Variants in GFRA1 observed in about 807,000 individuals in gnomAD.
GFRA1 encodes the protein GDNF family receptor alpha-1.
GFRA1 carries 16 observed loss-of-function variants against 51.6 expected under a neutral mutation model. The ratio of observed to expected loss-of-function variants is 0.31; its 90% confidence interval spans 0.21 to 0.47. The LOEUF (loss-of-function observed/expected upper bound fraction) is 0.47. GFRA1 is among the 20% of genes least tolerant of loss of function. The pLI is 1.00. For missense variants in GFRA1, 530 were observed against 594.3 expected (o/e 0.89, Z 1.13); for synonymous variants, 270 against 241.3 (o/e 1.12, Z -1.10).
At chr10:116,187,184 C>G (rs1962804930) in intron 5 of GFRA1, among the ~76,000 whole-genome samples, 1 of 152,088 alleles carries the variant, frequency 6.6e-6, no homozygotes, top group African/African-American at 2.4e-5. Flanking sequence ...ATAAAAGCAC[C>G]AAGTAGTCTA....
Position 116,228,070 on chromosome 10 carries a change from G to A in GFRA1, c.419-16425C>T, listed in dbSNP as rs538099563. On this transcript the variant is annotated intron_variant, in intron 4 of 10. Coordinates refer to ENST00000355422, the MANE Select transcript of GFRA1 (RefSeq NM_005264.8). ...TGTTACAAAATGTACCTGACTTCGC[G>A]TTTCAAAAGAACTGGCTGGAACATG... Among the ~76,000 whole-genome samples, 18 of 152,336 alleles carry A rather than the reference G, an allele frequency of 1.2e-4. No individual in the cohort carries two copies. The South Asian group carries it at 3.1e-3, about 26-fold the overall frequency.
chr10:116,070,789 G>C (rs901689409), intron 9 of GFRA1, among the ~76,000 whole-genome samples: 4 of 126,460 alleles, frequency 3.2e-5, no homozygotes, highest in Non-Finnish European at 6.2e-5. Context: ...TTTGGCTTTG[G>C]ATTTTGCCTA....
chr10:116,177,193 G>A (rs1222635784), intron 5 of GFRA1, among the ~76,000 whole-genome samples: 1 of 152,184 alleles, frequency 6.6e-6, no homozygotes, highest in Non-Finnish European at 1.5e-5. Flanking sequence ...CAGACAATGA[G>A]GAGTCATCCA....
intron 5 of GFRA1, among the ~76,000 whole-genome samples, chr10:116,208,054 C>T (rs1964918800): frequency 6.6e-6 from 1 of 151,992 alleles, no homozygotes; most frequent in African/African-American, 2.4e-5. Context: ...CCCTTTCTCT[C>T]AGCTCCCTAG....
Position 116,272,408 on chromosome 10 carries a change from T to G in GFRA1, c.-246-133A>C. ...GGGTGAGGACCCACCCCCACCCAGG[T>G]CGGGGTGCATGTGCGTGTTTTCCAG... On this transcript the variant is annotated intron_variant, in intron 1 of 10. Transcript: ENST00000355422. The surrounding 1 kb of genome is among the most constrained non-coding windows in gnomAD (Gnocchi z 4.4). 2.8e-6 allele frequency: 1 copy of G among 354,124 alleles called. No individual in the cohort carries two copies. The highest frequency in any genetic ancestry group is 4.0e-5 in the Admixed American group (1 of 24,756). The allele number at this position is 354,124 out of a possible 1,614,324, so 21.9% of individuals were successfully genotyped here. A position where few individuals can be genotyped will look rare whatever the true frequency, so the allele number is the denominator to read the frequency against.
intron 5 of GFRA1, among the ~76,000 whole-genome samples, chr10:116,178,302 G>GA (rs1463277946): frequency 6.6e-6 from 1 of 151,840 alleles, no homozygotes; most frequent in Non-Finnish European, 1.5e-5. Context: ...AAGGGGCCGG[G>GA]GGGGCGTTTT....
At chr10:116,216,976 A>AC (rs1965608087) in intron 4 of GFRA1, among the ~76,000 whole-genome samples, 2 of 152,228 alleles carry the variant, frequency 1.3e-5, no homozygotes, top group South Asian at 2.1e-4. Flanking sequence ...CATGAAGAGT[A>AC]ACAAGAATTC....
At chr10:116,191,086 G>C (rs959958362) in intron 5 of GFRA1, among the ~76,000 whole-genome samples, 1 of 152,224 alleles carries the variant, frequency 6.6e-6, no homozygotes, top group African/African-American at 2.4e-5. Flanking sequence ...TTTCTGGATA[G>C]CTGCCATTGC....
chr10:116,090,069 C>A, intron 8 of GFRA1, 147 bp from the exon 9 acceptor site: 1 of 767,104 alleles, frequency 1.3e-6, no homozygotes, highest in Non-Finnish European at 2.2e-6. Context: ...TTGCCCTATA[C>A]ATGCTGAGAG....
At chr10:116,193,942 G>A (rs1963494407) in intron 5 of GFRA1, among the ~76,000 whole-genome samples, 1 of 151,866 alleles carries the variant, frequency 6.6e-6, no homozygotes, top group African/African-American at 2.4e-5. Context: ...CGGAGACTGA[G>A]GCAAGAGAAT....
intron 6 of GFRA1, among the ~76,000 whole-genome samples, chr10:116,108,660 C>T (rs1957089184): frequency 6.6e-6 from 1 of 152,236 alleles, no homozygotes; most frequent in Non-Finnish European, 1.5e-5. Flanking sequence ...CTTATTTTAA[C>T]CCATTCACGG....
At chr10:116,110,532 C>A (rs1957167687) in intron 6 of GFRA1, among the ~76,000 whole-genome samples, 1 of 152,164 alleles carries the variant, frequency 6.6e-6, no homozygotes, top group Non-Finnish European at 1.5e-5. Context: ...CCCCTTCCGG[C>A]TTTCTCTAAG....
At chr10:116,125,134 G>T in intron 6 of GFRA1, 87 bp downstream of exon 6, 1 of 1,162,804 alleles carries the variant, frequency 8.6e-7, no homozygotes, top group Non-Finnish European at 1.3e-6. Flanking sequence ...CTTGGTAGAA[G>T]CACAGAAAAG....
At chr10:116,162,569 A>G (rs1454854017) in intron 5 of GFRA1, among the ~76,000 whole-genome samples, 1 of 152,222 alleles carries the variant, frequency 6.6e-6, no homozygotes, top group Non-Finnish European at 1.5e-5. Flanking sequence ...ATGTGAGTGC[A>G]CAGGGACGCG....
chr10:116,069,413 A>AAATT lies in GFRA1; in HGVS notation c.1198-3791_1198-3788dup, dbSNP rs1376539812. Among the ~76,000 whole-genome samples the AAATT allele has an allele frequency of 2.6e-5, 4 of 152,292 alleles. No homozygotes were observed. In the East Asian group the frequency reaches 7.7e-4, roughly 29 times the overall value. ...TTTCATCTTGAGAACGGGAAGATGA[A>AAATT]AATTATACTAGAGAGGCCTGTCCCC... is the stretch of plus-strand genomic sequence containing the variant. On this transcript the variant is annotated intron_variant, in intron 9 of 10. Transcript: ENST00000355422.
intron 9 of GFRA1, among the ~76,000 whole-genome samples, chr10:116,071,033 T>C (rs562089128): frequency 8.1e-4 from 124 of 152,298 alleles, no homozygotes; most frequent in African/African-American, 2.9e-3. Context: ...GCCTGTGGGC[T>C]GGGGTGTTTT....
At chr10:116,157,474 C>A (rs1343405931) in intron 5 of GFRA1, among the ~76,000 whole-genome samples, 1 of 152,218 alleles carries the variant, frequency 6.6e-6, no homozygotes, top group Non-Finnish European at 1.5e-5. Context: ...CCACAATGCC[C>A]ATGAATCTGT....
intron 5 of GFRA1, among the ~76,000 whole-genome samples, chr10:116,163,753 G>C (rs2134188516): frequency 6.6e-6 from 1 of 152,220 alleles, no homozygotes; most frequent in Admixed American, 6.5e-5. Flanking sequence ...CGGAGGCAGG[G>C]GATCTGGATG....
intron 5 of GFRA1, among the ~76,000 whole-genome samples, chr10:116,168,196 A>G (rs904644838): frequency 1.3e-5 from 2 of 150,532 alleles, no homozygotes; most frequent in African/African-American, 2.4e-5. Context: ...TCATTCAACA[A>G]TCATTTATTG....
Sources: gnomAD v4.1 joint callset for allele counts (sites outside exome capture counted in the v4.1 genomes callset) on GRCh38, gnomAD v4.1.1 for gene constraint, Gnocchi (gnomAD v3.1) non-coding constraint, MANE v1.5 for transcripts, NCBI Gene and HGNC (gene_info 2026-07-23, HGNC 2026-07-21) for gene names.